The following PDZRN4 variants were observed in gnomAD, a reference collection of about 807,000 sequenced individuals.
The protein encoded by PDZRN4 is PDZ domain-containing RING finger protein 4.
A neutral mutation model predicts 99.0 loss-of-function variants in PDZRN4; 70 were observed. That is an observed-to-expected ratio of 0.71 (90% CI 0.58 to 0.86). PDZRN4 has a LOEUF of 0.86. Ranked by LOEUF, PDZRN4 falls within the 40% of genes least tolerant of loss-of-function variation. PDZRN4 has a pLI of 0.00. For missense variants in PDZRN4, 1,474 were observed against 1,331.2 expected, an observed-to-expected ratio of 1.11 and a Z score of -1.67; for synonymous variants, 551 against 501.6, an observed-to-expected ratio of 1.10 and a Z score of -1.32.
At chr12:41,479,452 G>T (rs774677287) in intron 3 of PDZRN4, among the ~76,000 whole-genome samples, 1 of 152,024 alleles carries the variant, frequency 6.6e-6, no homozygotes, top group Non-Finnish European at 1.5e-5. Context: ...CATGTGCATG[G>T]GATTATTTTA....
intron 3 of PDZRN4, among the ~76,000 whole-genome samples, chr12:41,462,705 G>C (rs1394339379): frequency 6.6e-6 from 1 of 152,156 alleles, no homozygotes; most frequent in Non-Finnish European, 1.5e-5. Flanking sequence ...AATTTTAGAT[G>C]AGGGGGAGAC....
chr12:41,246,006 C>T (rs1036519808), intron 3 of PDZRN4, among the ~76,000 whole-genome samples: 6 of 152,108 alleles, frequency 3.9e-5, no homozygotes, highest in Non-Finnish European at 8.8e-5. Context: ...TCTAGGGAGA[C>T]AAAAGCCATC....
At chr12:41,532,640 T>C (rs1439888429) in intron 5 of PDZRN4, among the ~76,000 whole-genome samples, 1 of 152,196 alleles carries the variant, frequency 6.6e-6, no homozygotes, top group Non-Finnish European at 1.5e-5. Context: ...TGCATATTTT[T>C]CTGCAATATT....
At chr12:41,283,403 C>T (rs1339427543) in intron 3 of PDZRN4, among the ~76,000 whole-genome samples, 2 of 152,114 alleles carry the variant, frequency 1.3e-5, no homozygotes, top group Non-Finnish European at 2.9e-5. Context: ...CAGGACCAGA[C>T]AGATTCACAG....
chr12:41,490,693 C>G (rs1006594607), intron 3 of PDZRN4, among the ~76,000 whole-genome samples: 2 of 152,100 alleles, frequency 1.3e-5, no homozygotes, highest in African/African-American at 2.4e-5. Flanking sequence ...AGGCTGGTTG[C>G]TCTTCAACAT....
chr12:41,326,531 T>C (rs891318337), intron 3 of PDZRN4, among the ~76,000 whole-genome samples: 1 of 152,140 alleles, frequency 6.6e-6, no homozygotes, highest in South Asian at 2.1e-4. Context: ...AGGTTGAAGA[T>C]TGAGCAGAAA....
intron 3 of PDZRN4, among the ~76,000 whole-genome samples, chr12:41,484,047 A>G (rs1379638288): frequency 6.6e-6 from 1 of 152,166 alleles, no homozygotes; most frequent in Admixed American, 6.6e-5. Context: ...GTTTGTGTGT[A>G]AGATTCTACT....
At chr12:41,280,715 A>G (rs1418382147) in intron 3 of PDZRN4, among the ~76,000 whole-genome samples, 1 of 152,160 alleles carries the variant, frequency 6.6e-6, no homozygotes, top group East Asian at 1.9e-4. Flanking sequence ...AGCCCCAGTC[A>G]GGGGCTTATA....
At chr12:41,297,629 G>C (rs2120923487) in intron 3 of PDZRN4, among the ~76,000 whole-genome samples, 1 of 152,168 alleles carries the variant, frequency 6.6e-6, no homozygotes, top group East Asian at 1.9e-4. Context: ...GATGTAGCCT[G>C]TTTACCAAGT....
At chr12:41,566,956 A>G (rs1939383172) in intron 8 of PDZRN4, among the ~76,000 whole-genome samples, 1 of 152,194 alleles carries the variant, frequency 6.6e-6, no homozygotes, top group African/African-American at 2.4e-5. Flanking sequence ...ATATTAGATC[A>G]TATTAGCCAG....
At chr12:41,353,050 AAG>A (rs1269847643) in intron 3 of PDZRN4, among the ~76,000 whole-genome samples, 1 of 151,756 alleles carries the variant, frequency 6.6e-6, no homozygotes, top group African/African-American at 2.4e-5. Flanking sequence ...TGGGAAAACG[AAG>A]AGAGAAAGGC....
intron 3 of PDZRN4, among the ~76,000 whole-genome samples, chr12:41,227,898 CACACACACACACACACACACA>C (rs1951004950): frequency 6.6e-6 from 1 of 151,686 alleles, no homozygotes; most frequent in Non-Finnish European, 1.5e-5. Flanking sequence ...CACACACACA[CACACACACACACACACACACA>C]CCAGAAGGGT....
At chr12:41,231,213 A>T (rs2060053) in intron 3 of PDZRN4, among the ~76,000 whole-genome samples, 101,629 of 151,980 alleles carry the variant, frequency 0.67, 34,110 homozygotes, top group South Asian at 0.73. Context: ...TAAGCCCTTG[A>T]GCAGTAAGAT....
At chr12:41,553,527 C>CCAAAAAAAA (rs1939094390) in intron 6 of PDZRN4, among the ~76,000 whole-genome samples, 1 of 146,872 alleles carries the variant, frequency 6.8e-6, no homozygotes, top group African/African-American at 2.5e-5. Context: ...TCTGTCTCTA[C>CCAAAAAAAA]AAAAAAAAAA....
At position 41,438,035 on chromosome 12, in the gene PDZRN4, A is replaced by T. The variant is rs762298864; in HGVS notation, c.844-68421A>T. On this transcript the variant is annotated intron_variant, in intron 3 of 9. Transcript: ENST00000402685. Reference sequence around the variant, plus strand: ...CCAGGTGAGTGCAGGGTCTGATACCAGCAACTAAGAGCCAGGCTTTGTGTT... The same window carrying T: ...CCAGGTGAGTGCAGGGTCTGATACCTGCAACTAAGAGCCAGGCTTTGTGTT... The T allele has an allele frequency of 1.2e-5, 19 of 1,611,698 alleles. No homozygotes were observed. In the Admixed American group the frequency reaches 3.0e-4, roughly 25 times the overall value.
chr12:41,430,968 G>A (rs1203810892), intron 3 of PDZRN4, among the ~76,000 whole-genome samples: 1 of 152,150 alleles, frequency 6.6e-6, no homozygotes, highest in African/African-American at 2.4e-5. Context: ...TGGGAGTGGT[G>A]CTACGGACTT....
chr12:41,287,783 C>G (rs966046656), intron 3 of PDZRN4, among the ~76,000 whole-genome samples: 16 of 152,206 alleles, frequency 1.1e-4, no homozygotes, highest in African/African-American at 3.9e-4. Flanking sequence ...AGAAGCCTTA[C>G]TGTTTAGTGT....
At chr12:41,205,728 C>T (rs1301391430) in intron 3 of PDZRN4, among the ~76,000 whole-genome samples, 1 of 151,816 alleles carries the variant, frequency 6.6e-6, no homozygotes, top group African/African-American at 2.4e-5. Context: ...TTAGAAATTA[C>T]CTGTTTCTTT....
intron 5 of PDZRN4, among the ~76,000 whole-genome samples, chr12:41,520,766 C>A (rs932480290): frequency 1.3e-5 from 2 of 151,728 alleles, no homozygotes; most frequent in African/African-American, 4.8e-5. Context: ...AAGATGTCAG[C>A]AGTAATAATG....
Sources: allele counts gnomAD v4.1 joint callset (sites outside exome capture counted in the v4.1 genomes callset), GRCh38; gene constraint gnomAD v4.1.1; transcripts MANE v1.5; gene names NCBI Gene and HGNC (gene_info 2026-07-23, HGNC 2026-07-21).